The following FERMT2 variants were observed in gnomAD, a reference collection of about 807,000 sequenced individuals.
FERMT2 encodes the protein FERM domain containing kindlin 2.
FERMT2 carries 15 observed loss-of-function variants against 82.7 expected under a neutral mutation model. The observed-to-expected ratio is 0.18, with a 90% confidence interval of 0.12 to 0.28. The LOEUF is 0.28. Among genes scored for constraint, FERMT2 ranks in the 10% least tolerant of loss-of-function variants. FERMT2 has a pLI of 1.00. For missense variants in FERMT2, 645 were observed against 809.4 expected (o/e 0.80, Z 2.46); for synonymous variants, 274 against 271.5 (o/e 1.01, Z -0.09).
At chr14:52,949,323 G>A (rs1041799429) in intron 2 of FERMT2, among the ~76,000 whole-genome samples, 2 of 147,994 alleles carry the variant, frequency 1.4e-5, no homozygotes, top group African/African-American at 5.0e-5. Context: ...TAGATTTCCT[G>A]ACAAATAAGC....
At chr14:52,943,342 G>T (rs1403060284) in intron 2 of FERMT2, among the ~76,000 whole-genome samples, 2 of 152,164 alleles carry the variant, frequency 1.3e-5, no homozygotes, top group African/African-American at 4.8e-5. Flanking sequence ...TTTACAAACA[G>T]ATACTATCAT....
intron 3 of FERMT2, among the ~76,000 whole-genome samples, chr14:52,902,892 C>CAAAAAAAAA: frequency 2.7e-5 from 1 of 36,754 alleles, no homozygotes. Flanking sequence ...AAAAAAAAAA[C>CAAAAAAAAA]CCCAAAACAC....
chr14:52,921,108 ATAAC>A (rs1336693589), intron 2 of FERMT2, among the ~76,000 whole-genome samples: 3 of 152,310 alleles, frequency 2.0e-5, no homozygotes, highest in South Asian at 2.1e-4. Flanking sequence ...ACACACACAC[ATAAC>A]TAGTCTATCC....
intron 1 of FERMT2, 138 bp downstream of exon 1, chr14:52,950,783 C>T (rs1331871267): frequency 6.0e-6 from 3 of 500,308 alleles, no homozygotes; most frequent in Non-Finnish European, 1.0e-5. Flanking sequence ...CCCGGCGCCG[C>T]CCGCCCCACA....
At chr14:52,887,778 G>C (rs920745393) in intron 4 of FERMT2, among the ~76,000 whole-genome samples, 48 of 152,016 alleles carry the variant, frequency 3.2e-4, no homozygotes, top group African/African-American at 1.2e-3. Flanking sequence ...ACTTAACTAA[G>C]TAACGAAAAT....
At chr14:52,893,138 AG>A in intron 4 of FERMT2, 154 bp downstream of exon 4, 1 of 551,462 alleles carries the variant, frequency 1.8e-6, no homozygotes, top group Non-Finnish European at 3.0e-6. Flanking sequence ...CTGGGACTAC[AG>A]GTGTGTGCCA....
intron 2 of FERMT2, among the ~76,000 whole-genome samples, chr14:52,943,678 G>A (rs182803490): frequency 6.6e-6 from 1 of 151,772 alleles, no homozygotes; most frequent in Non-Finnish European, 1.5e-5. Context: ...GAGTAAGTCT[G>A]AAACTTCATC....
At chr14:52,864,035 A>G (rs183425457) in intron 12 of FERMT2, among the ~76,000 whole-genome samples, 1 of 152,276 alleles carries the variant, frequency 6.6e-6, no homozygotes, top group Non-Finnish European at 1.5e-5. Context: ...TAAACTGACT[A>G]AAGGTTACTT....
intron 10 of FERMT2, among the ~76,000 whole-genome samples, chr14:52,867,629 T>A (rs1354414108): frequency 6.6e-6 from 1 of 152,152 alleles, no homozygotes; most frequent in East Asian, 1.9e-4. Context: ...TGTTACCCTA[T>A]CAGTATCTGT....
chr14:52,913,823 T>C (rs181091904), intron 3 of FERMT2, among the ~76,000 whole-genome samples: 6 of 152,006 alleles, frequency 3.9e-5, no homozygotes. Flanking sequence ...CAGCAGAGTG[T>C]GGAATGAAGA....
intron 6 of FERMT2, among the ~76,000 whole-genome samples, chr14:52,879,492 A>T (rs934367142): frequency 6.6e-6 from 1 of 152,188 alleles, no homozygotes; most frequent in Admixed American, 6.5e-5. Flanking sequence ...TACATTTTCA[A>T]ATTAGGAATG....
chr14:52,860,535 C>A, intron 12 of FERMT2, 70 bp from the exon 13 acceptor site: 1 of 1,425,502 alleles, frequency 7.0e-7, no homozygotes, highest in Non-Finnish European at 9.5e-7. Context: ...GACAAAAGAT[C>A]AAAAGATTGA....
intron 2 of FERMT2, among the ~76,000 whole-genome samples, chr14:52,949,890 G>C (rs112151183): frequency 2.6e-5 from 4 of 152,134 alleles, no homozygotes; most frequent in African/African-American, 9.7e-5. Context: ...TGGATGACTG[G>C]AACATTTTAA....
chr14:52,931,767 G>A (rs112822863), intron 2 of FERMT2, among the ~76,000 whole-genome samples: 2,651 of 152,288 alleles, frequency 0.017, 67 homozygotes, highest in African/African-American at 0.06. Context: ...GGTGGCTCAC[G>A]CCTGTAATCC....
chr14:52,926,021 T>C lies in FERMT2; in HGVS notation c.158-6665A>G, dbSNP rs1456421711. On this transcript the variant is annotated intron_variant, in intron 2 of 14. Coordinates refer to ENST00000341590, the MANE Select transcript of FERMT2 (RefSeq NM_006832.3). ...CTTGTCTCTAAAGTGGCAAGTTAAA[T>C]CATAACAGACTATGCAACTGTAACT... 4.6e-5 allele frequency among the ~76,000 whole-genome samples: 7 copies of C among 152,152 alleles called. 1 individual carries two copies. The South Asian group carries it at 1.5e-3, about 32-fold the overall frequency.
At chr14:52,926,444 ACACACACACACT>A (rs1247035589) in intron 2 of FERMT2, among the ~76,000 whole-genome samples, 1 of 143,894 alleles carries the variant, frequency 6.9e-6, no homozygotes, top group Non-Finnish European at 1.6e-5. Flanking sequence ...ACACACACAC[ACACACACACACT>A]CAGCCTGGCA....
intron 2 of FERMT2, among the ~76,000 whole-genome samples, chr14:52,933,377 A>G (rs1889677395): frequency 6.6e-6 from 1 of 152,054 alleles, no homozygotes; most frequent in South Asian, 2.1e-4. Context: ...TGTCTCTTAA[A>G]ATGCAAACTT....
At chr14:52,927,226 C>T (rs2139662865) in intron 2 of FERMT2, among the ~76,000 whole-genome samples, 1 of 152,146 alleles carries the variant, frequency 6.6e-6, no homozygotes, top group African/African-American at 2.4e-5. Context: ...GTCTACCAAA[C>T]AGCTTTTGGT....
At chr14:52,946,360 TAA>T (rs527900617) in intron 2 of FERMT2, among the ~76,000 whole-genome samples, 2 of 143,608 alleles carry the variant, frequency 1.4e-5, no homozygotes, top group Non-Finnish European at 1.5e-5. Flanking sequence ...TGTCTTTGAT[TAA>T]AAAAAAAAAA....
Sources: allele counts gnomAD v4.1 joint callset (sites outside exome capture counted in the v4.1 genomes callset), GRCh38; gene constraint gnomAD v4.1.1; transcripts MANE v1.5; gene names NCBI Gene and HGNC (gene_info 2026-07-23, HGNC 2026-07-21).